PPP1R12B: variants seen among roughly 807,000 people sequenced by gnomAD.
PPP1R12B encodes the protein myosin phosphatase target subunit 2.
PPP1R12B carries 76 observed loss-of-function variants against 126.1 expected under a neutral mutation model. That is an observed-to-expected ratio of 0.60 (90% CI 0.50 to 0.73). The LOEUF is 0.73. Among genes scored for constraint, PPP1R12B ranks in the 30% least tolerant of loss-of-function variants. PPP1R12B has a pLI of 0.00. For missense variants in PPP1R12B, 1,052 were observed against 1,205.1 expected (o/e 0.87, Z 1.88); for synonymous variants, 356 against 434.7 (o/e 0.82, Z 2.25).
At chr1:202,510,349 T>C (rs1286952080) in intron 18 of PPP1R12B, among the ~76,000 whole-genome samples, 1 of 152,140 alleles carries the variant, frequency 6.6e-6, no homozygotes, top group Non-Finnish European at 1.5e-5. Context: ...TTTTTAGACC[T>C]CTCCCCTTGA....
intron 1 of PPP1R12B, among the ~76,000 whole-genome samples, chr1:202,390,603 A>G (rs1253156589): frequency 6.6e-6 from 1 of 151,438 alleles, no homozygotes; most frequent in Non-Finnish European, 1.5e-5. Context: ...GGCTCTAGTG[A>G]TCTTCCAACC....
intron 1 of PPP1R12B, among the ~76,000 whole-genome samples, chr1:202,374,880 G>A (rs1571671906): frequency 1.3e-5 from 2 of 151,418 alleles, no homozygotes; most frequent in South Asian, 4.2e-4. Context: ...CTCTCACCTG[G>A]GTTACAGAAA....
At chr1:202,408,863 T>TG (rs1666998130) in intron 1 of PPP1R12B, among the ~76,000 whole-genome samples, 1 of 123,206 alleles carries the variant, frequency 8.1e-6, no homozygotes, top group Non-Finnish European at 1.8e-5. Flanking sequence ...TTTTTTTTTT[T>TG]GAGACAGGGT....
chr1:202,444,646 A>T (rs572903236), intron 12 of PPP1R12B, among the ~76,000 whole-genome samples: 1 of 152,178 alleles, frequency 6.6e-6, no homozygotes, highest in East Asian at 1.9e-4. Context: ...GGGTTGCATG[A>T]TTATTTGCCT....
At chr1:202,362,612 T>G (rs1358817163) in intron 1 of PPP1R12B, among the ~76,000 whole-genome samples, 1 of 151,560 alleles carries the variant, frequency 6.6e-6, no homozygotes, top group African/African-American at 2.4e-5. Flanking sequence ...CAGCTCTGTG[T>G]GTGCTATAGC....
Position 202,541,124 on chromosome 1 carries a change from T to G in PPP1R12B, c.2491-17753T>G, listed in dbSNP as rs537980044. Among the ~76,000 whole-genome samples, 68 of 152,294 alleles carry G rather than the reference T, an allele frequency of 4.5e-4. No individual in the cohort carries two copies. The South Asian group carries it at 6.8e-3, about 15-fold the overall frequency. ...ACAGTTACTTTTTCAGGAACTAGAT[T>G]GCGCTTTGCTGTATATACAGAGTAA... On this transcript the variant is annotated intron_variant, in intron 18 of 23. Transcript: ENST00000608999.
chr1:202,589,639 GAGA>G lies in PPP1R12B; in HGVS notation c.*9082_*9084del, dbSNP rs1215830925. 1 of 152,248 alleles carries G rather than the reference GAGA, an allele frequency of 6.6e-6. No homozygotes were observed. Among genetic ancestry groups the G allele is most frequent in the African/African-American group, 2.4e-5 (1 of 41,438 alleles). 9.4% of individuals were successfully genotyped at this position (152,248 alleles called of 1,614,324 possible). Reference sequence around the variant, plus strand: ...TGGTCCAGCCCTCTTGGGGGGAAAGGAGAAGGCCACAACCTATTGGCAGAGTAA... The same window carrying G: ...TGGTCCAGCCCTCTTGGGGGGAAAGGAGGCCACAACCTATTGGCAGAGTAA... On this transcript the variant is annotated 3_prime_UTR_variant, in exon 24 of 24. Transcript: ENST00000608999.
intron 18 of PPP1R12B, among the ~76,000 whole-genome samples, chr1:202,516,187 A>T (rs947232346): frequency 1.3e-5 from 2 of 152,202 alleles, no homozygotes; most frequent in African/African-American, 2.4e-5. Flanking sequence ...CGCCATGATG[A>T]TCATAATGAT....
intron 18 of PPP1R12B, among the ~76,000 whole-genome samples, chr1:202,532,453 C>A (rs1684056452): frequency 6.6e-6 from 1 of 152,180 alleles, no homozygotes; most frequent in Non-Finnish European, 1.5e-5. Flanking sequence ...GATAGAGTGC[C>A]TCTGGTTCAA....
intron 13 of PPP1R12B, among the ~76,000 whole-genome samples, chr1:202,464,233 C>T (rs760749209): frequency 6.6e-6 from 1 of 152,132 alleles, no homozygotes; most frequent in African/African-American, 2.4e-5. Context: ...ACATTCTGAG[C>T]TTCTTTAGGG....
intron 18 of PPP1R12B, among the ~76,000 whole-genome samples, chr1:202,510,284 G>A (rs1681295700): frequency 6.6e-6 from 1 of 152,140 alleles, no homozygotes; most frequent in Admixed American, 6.5e-5. Flanking sequence ...TTCTATAGTA[G>A]TCTCCTTCAA....
chr1:202,431,636 C>G lies in PPP1R12B; in HGVS notation c.1141+17C>G, dbSNP rs1313960493. 1 of 1,596,716 alleles carries G rather than the reference C, an allele frequency of 6.3e-7. No homozygotes were observed. The highest frequency in any genetic ancestry group is 2.3e-5 in the East Asian group (1 of 44,248). On this transcript the variant is annotated intron_variant, in intron 8 of 23. Transcript: ENST00000608999. ...AGGAGGCAGGTAATGCAAAGATGTT[C>G]ATAGTGAAGATCCTCTATCTCCATA...
intron 8 of PPP1R12B, among the ~76,000 whole-genome samples, chr1:202,431,840 C>T (rs1347387259): frequency 1.3e-5 from 2 of 152,180 alleles, no homozygotes; most frequent in African/African-American, 4.8e-5. Context: ...ATAAGGTGCA[C>T]AAAGAATTCT....
intron 18 of PPP1R12B, among the ~76,000 whole-genome samples, chr1:202,548,792 CTCTCTCTCTCTCTCTCTATA>C (rs1328943511): frequency 3.6e-5 from 4 of 111,758 alleles, no homozygotes; most frequent in African/African-American, 6.6e-5. Flanking sequence ...CTCTCTCTCT[CTCTCTCTCTCTCTCTCTATA>C]TATATATATA....
chr1:202,467,778 A>G (rs1293590674), intron 13 of PPP1R12B, among the ~76,000 whole-genome samples: 1 of 152,198 alleles, frequency 6.6e-6, no homozygotes, highest in East Asian at 1.9e-4. Context: ...TTCTAGTTCT[A>G]GATCCCTGAG....
At chr1:202,562,971 T>A (rs1213143274) in intron 20 of PPP1R12B, 49 bp downstream of exon 20, 2 of 1,495,114 alleles carry the variant, frequency 1.3e-6, no homozygotes, top group African/African-American at 2.8e-5. Flanking sequence ...TGTAAACCTC[T>A]CAGCCTTCCT....
chr1:202,588,854 G>GATAGATAGAT lies in PPP1R12B; in HGVS notation c.*8296_*8305dup, dbSNP rs1553332168. Reference sequence around the variant, plus strand: ...AGATAGATAGATAGATAGATAGATAGATAGATAGATAGATAGATATCAAGG... The same window carrying GATAGATAGAT: ...AGATAGATAGATAGATAGATAGATAGATAGATAGATATAGATAGATAGATAGATATCAAGG... On this transcript the variant is annotated 3_prime_UTR_variant, in exon 24 of 24. Coordinates refer to ENST00000608999, the MANE Select transcript of PPP1R12B (RefSeq NM_002481.4). 7.0e-6 allele frequency: 1 copy of GATAGATAGAT among 142,934 alleles called. No individual in the cohort carries two copies. Among genetic ancestry groups the GATAGATAGAT allele is most frequent in the Non-Finnish European group, 1.5e-5 (1 of 66,000 alleles). The allele number at this position is 142,934 out of a possible 1,614,324, so 8.9% of individuals were successfully genotyped here. A position where few individuals can be genotyped will look rare whatever the true frequency, so the allele number is the denominator to read the frequency against.
chr1:202,568,346 CT>C (rs1688255390), intron 22 of PPP1R12B, among the ~76,000 whole-genome samples: 2 of 152,182 alleles, frequency 1.3e-5, no homozygotes. Context: ...GGTTCAATTG[CT>C]GATCTCCTCC....
Position 202,439,413 on chromosome 1 carries a change from G to A in PPP1R12B, c.1459-1293G>A, listed in dbSNP as rs983400702. 1.4e-4 allele frequency: 175 copies of A among 1,245,044 alleles called. No homozygotes were observed. The African/African-American group carries it at 1.7e-3, about 12-fold the overall frequency. 77.1% of individuals were successfully genotyped at this position (1,245,044 alleles called of 1,614,324 possible). A position where few individuals can be genotyped will look rare whatever the true frequency, so the allele number is the denominator to read the frequency against. Reference sequence around the variant, plus strand: ...CGCGGCACAGCGGAGCACGGAGACCGCCCTGTACTGGAAAATGCTGGGCGA... The same window carrying A: ...CGCGGCACAGCGGAGCACGGAGACCACCCTGTACTGGAAAATGCTGGGCGA... On this transcript the variant is annotated intron_variant, in intron 10 of 23. Transcript: ENST00000608999.
Sources: gnomAD v4.1 joint callset for allele counts (sites outside exome capture counted in the v4.1 genomes callset) on GRCh38, gnomAD v4.1.1 for gene constraint, MANE v1.5 for transcripts, NCBI Gene and HGNC (gene_info 2026-07-23, HGNC 2026-07-21) for gene names.